Variants in KMT2B observed in about 807,000 individuals in gnomAD.
KMT2B encodes the protein lysine methyltransferase 2B, also known as histone-lysine N-methyltransferase 2B.
KMT2B carries 22 observed loss-of-function variants against 255.3 expected under a neutral mutation model. That is an observed-to-expected ratio of 0.09 (90% CI 0.06 to 0.12). The LOEUF is 0.12. Among genes scored for constraint, KMT2B ranks in the 10% least tolerant of loss-of-function variants. The pLI is 1.00. For synonymous variants in KMT2B, 1,730 were observed against 1,498.1 expected, an observed-to-expected ratio of 1.15 and a Z score of -3.57; for missense variants, 3,149 against 3,737.0, an observed-to-expected ratio of 0.84 and a Z score of 4.10.
rs1453288313 is a variant in KMT2B, at chr19:35,724,672, C to T, written c.3370C>T (p.Pro1124Ser). Residue 1124 changes from proline (P) to serine (S), a missense_variant, in exon 9 of 37, where the codon CCC (proline) becomes TCC (serine). Transcript: ENST00000420124. ...PLPEPEEQSR[P>S]RKPTLQPVLQ... ...GCCAGAACCTGAGGAGCAGAGCCGG[C>T]CCCGCAAACCTACCCTGCAGCCTGT... 6 of 1,602,498 alleles carry T rather than the reference C, an allele frequency of 3.7e-6. No individual in the cohort carries two copies. Among genetic ancestry groups the T allele is most frequent in the African/African-American group, 1.3e-5 (1 of 74,708 alleles).
chr19:35,738,243 G>A lies in KMT2B; in HGVS notation c.7873-39G>A, dbSNP rs531674178. On this transcript the variant is annotated intron_variant, in intron 36 of 36. Coordinates refer to ENST00000420124, the MANE Select transcript of KMT2B (RefSeq NM_014727.3). This position sits in a 1 kb window ranked among gnomAD's most constrained non-coding sequence, Gnocchi z 8.7. ...CAGTGGGTGAAGCGAGCCTGTCCGC[G>A]GGGACAGAGCACCTGATCTCCCCAC... 1.6e-4 allele frequency: 262 copies of A among 1,593,130 alleles called. 4 individuals carry two copies. The South Asian group carries it at 2.7e-3, about 17-fold the overall frequency.
chr19:35,732,072 C>G lies in KMT2B; in HGVS notation c.5602C>G (p.Pro1868Ala). 24 of 1,610,266 alleles carry G rather than the reference C, an allele frequency of 1.5e-5. No homozygotes were observed. The highest frequency in any genetic ancestry group is 2.0e-5 in the Non-Finnish European group (24 of 1,178,436). Residue 1868 changes from proline (P) to alanine (A), a missense_variant, in exon 27 of 37, where the codon CCC (proline) becomes GCC (alanine). Transcript: ENST00000420124. ...RSFSGARIKV[P>A]NYSPSRRPLG... ...TTTTTCGGGGGCTCGAATCAAAGTG[C>G]CCAACTACTCGCCATCCCGGAGGCC...
At chr19:35,726,532 A>G (rs776090809) in intron 14 of KMT2B, among the ~76,000 whole-genome samples, 179 bp downstream of exon 14, 2 of 152,144 alleles carry the variant, frequency 1.3e-5, no homozygotes, top group Non-Finnish European at 2.9e-5. Context: ...ACAGGGACAC[A>G]TAGCTCCTCT....
In KMT2B at chr19:35,732,910, C is replaced by T. The variant is rs1969767338; in HGVS notation, c.6361C>T (p.Leu2121=). Residue 2121 remains leucine, a synonymous_variant, in exon 28 of 37, where the codon CTA becomes TTA. Transcript: ENST00000420124. ...SEIVDFVLKN[L]GGPGDGGAGP... ...AATTGTGGATTTTGTGTTGAAGAAC[C>T]TAGGGGGTCCTGGGGATGGAGGTGC... 1.2e-6 allele frequency: 2 copies of T among 1,609,410 alleles called. No homozygotes were observed. Among genetic ancestry groups the T allele is most frequent in the Non-Finnish European group, 1.7e-6 (2 of 1,178,440 alleles).
Position 35,718,093 on chromosome 19 carries a change from G to A in KMT2B, c.75G>A (p.Arg25=). The change falls in exon 1 of 37, where the codon CGG becomes CGA. Residue 25 remains arginine (R), a synonymous_variant. Coordinates refer to ENST00000420124, the MANE Select transcript of KMT2B (RefSeq NM_014727.3). This position sits in a 1 kb window ranked among gnomAD's most constrained non-coding sequence, Gnocchi z 5.0. ...GGGGCCGCTTCCCGGGCCGGCCGCG[G>A]GGCGCCGGCGGGGGCGGGGGCCGCG... is the stretch of plus-strand genomic sequence containing the variant. ...SARGRFPGRP[R]GAGGGGGRGG... 1.0e-6 allele frequency: 1 copy of A among 989,088 alleles called. No homozygotes were observed. The highest frequency in any genetic ancestry group is 1.2e-6 in the Non-Finnish European group (1 of 833,782). 61.3% of individuals were successfully genotyped at this position (989,088 alleles called of 1,614,324 possible).
intron 14 of KMT2B, 29 bp downstream of exon 14, chr19:35,726,382 T>C (rs777028978): frequency 6.8e-7 from 1 of 1,476,414 alleles, no homozygotes; most frequent in African/African-American, 1.4e-5. Context: ...AACTGGATGC[T>C]GGGGGCCACA....
rs879428820 is a variant in KMT2B, at chr19:35,738,797, C to T, written c.*240C>T. The T allele has an allele frequency of 2.4e-5, 13 of 551,358 alleles. No homozygotes were observed. The Admixed American group carries it at 4.2e-4, about 18-fold the overall frequency. 34.2% of individuals were successfully genotyped at this position (551,358 alleles called of 1,614,324 possible). A position where few individuals can be genotyped will look rare whatever the true frequency, so the allele number is the denominator to read the frequency against. ...ATATTGTACAAAGGTTTCTAAATCC[C>T]TTCTTTTCTATGCACTTTTTTATTT... On this transcript the variant is annotated 3_prime_UTR_variant, in exon 37 of 37. Coordinates refer to ENST00000420124, the MANE Select transcript of KMT2B (RefSeq NM_014727.3). The surrounding 1 kb of genome is among the most constrained non-coding windows in gnomAD (Gnocchi z 8.7).
In KMT2B at chr19:35,721,471, C is replaced by T. The variant is rs759995166; in HGVS notation, c.2124C>T (p.Ala708=). 3.1e-6 allele frequency: 5 copies of T among 1,612,786 alleles called. No individual in the cohort carries two copies. Among genetic ancestry groups the T allele is most frequent in the Non-Finnish European group, 4.2e-6 (5 of 1,179,856 alleles). The change falls in exon 3 of 37, where the codon GCC becomes GCT. Residue 708 remains alanine, a synonymous_variant. Transcript: ENST00000420124. ...RTNHLSLPRF[A]PVVTTPVKAE... is the part of the protein sequence containing the mutation. ...ACCACCTCAGCCTGCCTCGATTCGC[C>T]CCTGTGGTCACCACTCCTGTTAAGG...
At position 35,722,857 on chromosome 19, in the gene KMT2B, C is replaced by T. The variant is rs534866485; in HGVS notation, c.2723-138C>T. On this transcript the variant is annotated intron_variant, in intron 5 of 36. Transcript: ENST00000420124. ...GGCAAGTGGGCTGGAGTGCTAGGTCCTAGAGCAACTTCATTTGGGGGCACC... is the reference window on the plus strand; with the variant it reads ...GGCAAGTGGGCTGGAGTGCTAGGTCTTAGAGCAACTTCATTTGGGGGCACC... The T allele has an allele frequency of 2.8e-6, 4 of 1,415,500 alleles. No individual in the cohort carries two copies. In the East Asian group the frequency reaches 7.3e-5, roughly 26 times the overall value. 87.7% of individuals were successfully genotyped at this position (1,415,500 alleles called of 1,614,324 possible). A position where few individuals can be genotyped will look rare whatever the true frequency, so the allele number is the denominator to read the frequency against.
rs1232819123 is a variant in KMT2B, at chr19:35,718,504, G to T, written c.363+123G>T. ...CTCAGGGTTCCTTCGGAGAGACGGGGCACGGAGGGAGGGCGGCTGCATGCA... is the reference window on the plus strand; with the variant it reads ...CTCAGGGTTCCTTCGGAGAGACGGGTCACGGAGGGAGGGCGGCTGCATGCA... On this transcript the variant is annotated intron_variant, in intron 1 of 36. Transcript: ENST00000420124. This position sits in a 1 kb window ranked among gnomAD's most constrained non-coding sequence, Gnocchi z 5.0. 4.5e-6 allele frequency: 5 copies of T among 1,109,400 alleles called. No individual in the cohort carries two copies. The highest frequency in any genetic ancestry group is 5.7e-6 in the Non-Finnish European group (5 of 884,282). The allele number at this position is 1,109,400 out of a possible 1,614,324, so 68.7% of individuals were successfully genotyped here.
Position 35,723,103 on chromosome 19 carries a change from C to T in KMT2B, c.2831C>T (p.Thr944Ile). 2.5e-6 allele frequency: 4 copies of T among 1,613,256 alleles called. No homozygotes were observed. Among genetic ancestry groups the T allele is most frequent in the Non-Finnish European group, 3.4e-6 (4 of 1,179,832 alleles). Residue 944 changes from threonine to isoleucine, a missense_variant, in exon 6 of 37, where the codon ACC becomes ATC. This residue lies in a region of KMT2B where 132 missense variants were observed against 174.7 expected (regional missense o/e 0.76). Coordinates refer to ENST00000420124, the MANE Select transcript of KMT2B (RefSeq NM_014727.3). This position sits in a 1 kb window ranked among gnomAD's most constrained non-coding sequence, Gnocchi z 7.5. ...GESEPTGSGG[T>I]LAHTPRRSLP... ...TCAGAGCCCACAGGTTCTGGAGGGA[C>T]CCTGGCCCACACACCCCGGCGCTCA...
Position 35,719,786 on chromosome 19 carries a change from C to G in KMT2B, c.439C>G (p.Arg147Gly), listed in dbSNP as rs1377091829. The G allele has an allele frequency of 1.9e-6, 3 of 1,584,860 alleles. No individual in the cohort carries two copies. The highest frequency in any genetic ancestry group is 2.2e-5 in the East Asian group (1 of 44,702). ...LRSALRSQRG[R>G]APRGRGRKHK... ...CCCCACAACTATTCTCCTTTTAGGT[C>G]GAGCGCCCCGAGGTCGGGGTCGCAA... Residue 147 changes from arginine (R) to glycine (G), a missense_variant and splice_region_variant, in exon 3 of 37, where the codon CGA (arginine) becomes GGA (glycine). Transcript: ENST00000420124.
At chr19:35,730,953 G>A in intron 26 of KMT2B, 86 bp downstream of exon 26, 1 of 1,402,854 alleles carries the variant, frequency 7.1e-7, no homozygotes, top group Admixed American at 2.8e-5. Context: ...CTTTTGGAAA[G>A]TCCAGGAGGC....
chr19:35,736,389 T>C (rs1451303766), intron 30 of KMT2B: 4 of 374,134 alleles, frequency 1.1e-5, no homozygotes, highest in African/African-American at 6.0e-5. Context: ...GGATGTATGG[T>C]ACACTGGGTT....
Position 35,718,176 on chromosome 19 carries a change from C to T in KMT2B, c.158C>T (p.Ala53Val). Residue 53 changes from alanine to valine, a missense_variant, in exon 1 of 37, where the codon GCG becomes GTG. Ala to Val is a moderately conservative substitution (Grantham distance 64, BLOSUM62 0). This residue lies in a region of KMT2B where 1,188 missense variants were observed against 1,106.4 expected (regional missense o/e 1.07). Transcript: ENST00000420124. This position sits in a 1 kb window ranked among gnomAD's most constrained non-coding sequence, Gnocchi z 5.0. Reference protein sequence around the residue: ...VRVALRRGGGATGPGGAEPGE... With the variant: ...VRVALRRGGGVTGPGGAEPGE... ...GTAGCTCTGCGGCGCGGCGGTGGCGCGACGGGGCCGGGCGGAGCCGAGCCC... is the reference window on the plus strand; with the variant it reads ...GTAGCTCTGCGGCGCGGCGGTGGCGTGACGGGGCCGGGCGGAGCCGAGCCC... 1.8e-6 allele frequency: 2 copies of T among 1,102,270 alleles called. No individual in the cohort carries two copies. The highest frequency in any genetic ancestry group is 1.1e-6 in the Non-Finnish European group (1 of 905,998). 68.3% of individuals were successfully genotyped at this position (1,102,270 alleles called of 1,614,324 possible).
rs1456109382 is a variant in KMT2B at position 35,727,220 on chromosome 19, G to A, written c.4068G>A (p.Gln1356=). The A allele has an allele frequency of 6.2e-7, 1 of 1,613,666 alleles. No individual in the cohort carries two copies. The change falls in exon 15 of 37, where the codon CAG becomes CAA. Residue 1356 remains glutamine, a synonymous_variant. Coordinates refer to ENST00000420124, the MANE Select transcript of KMT2B (RefSeq NM_014727.3). The surrounding 1 kb of genome is among the most constrained non-coding windows in gnomAD (Gnocchi z 4.2). ...ACGACTATGAGAGCAAGATGATGCA[G>A]TGCGCACAGTGCGATCACTGGGTGC... is the stretch of plus-strand genomic sequence containing the variant. ...EDNDYESKMM[Q]CAQCDHWVHA...
rs764517436 is a variant in KMT2B, at chr19:35,721,630, G to A, written c.2283G>A (p.Gln761=). 1.9e-6 allele frequency: 3 copies of A among 1,613,058 alleles called. No individual in the cohort carries two copies. The Admixed American group carries it at 5.0e-5, about 27-fold the overall frequency. ...QALPPPQPQL[Q]PPPSPQQMPP... is the part of the protein sequence containing the mutation. ...TACCGCCACCACAGCCACAGCTGCAGCCACCGCCGTCACCACAGCAGATGC... is the reference window on the plus strand; with the variant it reads ...TACCGCCACCACAGCCACAGCTGCAACCACCGCCGTCACCACAGCAGATGC... Residue 761 remains glutamine, a synonymous_variant, in exon 3 of 37, where the codon CAG becomes CAA. Transcript: ENST00000420124.
rs1193931356 is a variant in KMT2B, at chr19:35,725,814, A to C, written c.3881A>C (p.His1294Pro). 5 of 1,571,216 alleles carry C rather than the reference A, an allele frequency of 3.2e-6. No individual in the cohort carries two copies. The highest frequency in any genetic ancestry group is 1.4e-5 in the African/African-American group (1 of 73,742). ...ACCCGGGCCACGCGCAAACGGCGCC[A>C]CTGGGTGAGAGATGAGGTTCACCCA... ...YPTRATRKRR[H>P]WICSACVRCK... The change falls in exon 13 of 37, where the codon CAC becomes CCC. Residue 1294 changes from histidine to proline, a missense_variant. His to Pro is a moderately conservative substitution (Grantham distance 77, BLOSUM62 -2). Coordinates refer to ENST00000420124, the MANE Select transcript of KMT2B (RefSeq NM_014727.3). The surrounding 1 kb of genome is among the most constrained non-coding windows in gnomAD (Gnocchi z 4.1).
Position 35,733,552 on chromosome 19 carries a change from A to G in KMT2B, c.6959+44A>G. On this transcript the variant is annotated intron_variant, in intron 28 of 36. Transcript: ENST00000420124. The surrounding 1 kb of genome is among the most constrained non-coding windows in gnomAD (Gnocchi z 4.3). ...GCTGGCAGAGCAGGCAAGGGGGCAG[A>G]TGGGCGGGAGATGCGGCTCATCCTT... 6.4e-7 allele frequency: 1 copy of G among 1,555,594 alleles called. No individual in the cohort carries two copies. Among genetic ancestry groups the G allele is most frequent in the Admixed American group, 1.9e-5 (1 of 51,392 alleles).
Sources: gnomAD v4.1 joint callset for allele counts (sites outside exome capture counted in the v4.1 genomes callset) on GRCh38, gnomAD v4.1.1 for gene constraint, gnomAD v4.1.1 regional missense constraint, Gnocchi (gnomAD v3.1) non-coding constraint, MANE v1.5 for transcripts, NCBI Gene and HGNC (gene_info 2026-07-23, HGNC 2026-07-21) for gene names.